Variants in CHRM3 observed in about 807,000 individuals in gnomAD.
CHRM3 encodes cholinergic receptor muscarinic 3, also known as muscarinic acetylcholine receptor M3.
Under a neutral mutation model 41.8 loss-of-function variants are expected in CHRM3, and 11 were observed. That is an observed-to-expected ratio of 0.26 (90% CI 0.17 to 0.44). The LOEUF is 0.44. Ranked by LOEUF, CHRM3 falls within the 20% of genes least tolerant of loss-of-function variation. The pLI, the probability that CHRM3 is intolerant of heterozygous loss-of-function variation, is 1.00. For missense variants in CHRM3, 571 were observed against 745.4 expected, an observed-to-expected ratio of 0.77 and a Z score of 2.72; for synonymous variants, 297 against 301.4, an observed-to-expected ratio of 0.99 and a Z score of 0.15.
At chr1:239,713,471 C>T (rs191751807) in intron 5 of CHRM3, among the ~76,000 whole-genome samples, 9 of 152,214 alleles carry the variant, frequency 5.9e-5, no homozygotes, top group African/African-American at 1.9e-4. Context: ...AAATAATAAA[C>T]AGAACAAGCT....
chr1:239,866,503 C>T (rs967232022), intron 6 of CHRM3, among the ~76,000 whole-genome samples: 4 of 152,074 alleles, frequency 2.6e-5, no homozygotes, highest in Non-Finnish European at 1.5e-5. Context: ...AAAGAACATT[C>T]GGCTCTGTTT....
chr1:239,866,353 T>TC (rs1189098042), intron 6 of CHRM3, among the ~76,000 whole-genome samples: 1 of 146,970 alleles, frequency 6.8e-6, no homozygotes, highest in East Asian at 2.0e-4. Context: ...TGAGCCGAGA[T>TC]CCCCCCACTG....
intron 5 of CHRM3, among the ~76,000 whole-genome samples, chr1:239,794,325 A>G (rs1207931644): frequency 6.6e-6 from 1 of 152,044 alleles, no homozygotes; most frequent in Non-Finnish European, 1.5e-5. Context: ...TCACAAGTTT[A>G]ACAAACACCT....
At chr1:239,894,395 C>T (rs1440416716) in intron 6 of CHRM3, among the ~76,000 whole-genome samples, 3 of 152,154 alleles carry the variant, frequency 2.0e-5, no homozygotes, top group Non-Finnish European at 4.4e-5. Flanking sequence ...GTGCAGGAAG[C>T]AGGAGAGAAG....
chr1:239,907,718 A>G lies in CHRM3; in HGVS notation c.267A>G (p.Val89=). 2 of 1,614,168 alleles carry G rather than the reference A, an allele frequency of 1.2e-6. No individual in the cohort carries two copies. The highest frequency in any genetic ancestry group is 1.7e-6 in the Non-Finnish European group (2 of 1,180,034). ...TGACCATCATCGGCAACATCCTGGT[A>G]ATTGTGTCATTTAAGGTCAACAAGC... The part of the protein sequence containing the change: ...ALVTIIGNIL[V]IVSFKVNKQL... The change falls in exon 7 of 7, where the codon GTA becomes GTG. Residue 89 remains valine (V), a synonymous_variant. Transcript: ENST00000676153. The surrounding 1 kb of genome is among the most constrained non-coding windows in gnomAD (Gnocchi z 5.4).
At chr1:239,619,470 G>A (rs6429145) in intron 3 of CHRM3, among the ~76,000 whole-genome samples, 113,150 of 152,056 alleles carry the variant, frequency 0.74, 43,302 homozygotes, top group African/African-American at 0.93. Flanking sequence ...ATTTAAGAAT[G>A]TATCTACCTG....
intron 5 of CHRM3, among the ~76,000 whole-genome samples, chr1:239,788,422 T>A (rs1669081845): frequency 1.3e-5 from 2 of 152,180 alleles, no homozygotes; most frequent in South Asian, 4.1e-4. Context: ...CCTTCCAGTG[T>A]CTTCTAAGGC....
intron 5 of CHRM3, among the ~76,000 whole-genome samples, chr1:239,700,731 T>C (rs183457267): frequency 6.6e-6 from 1 of 152,296 alleles, no homozygotes; most frequent in Admixed American, 6.5e-5. Context: ...AAGAAAGATG[T>C]GTGGGACGTT....
rs924034110 is a variant in CHRM3 at position 239,387,273 on chromosome 1, G to T, written c.-521+46G>T. The T allele has an allele frequency of 1.3e-5, 2 of 152,078 alleles. No homozygotes were observed. Among genetic ancestry groups the T allele is most frequent in the African/African-American group, 4.8e-5 (2 of 41,510 alleles). 9.4% of individuals were successfully genotyped at this position (152,078 alleles called of 1,614,324 possible). On this transcript the variant is annotated intron_variant, in intron 1 of 6. Transcript: ENST00000676153. This position sits in a 1 kb window ranked among gnomAD's most constrained non-coding sequence, Gnocchi z 5.1. The stretch of plus-strand genomic sequence containing the variant: ...CCAGGCGCTGGGCAGAGCGGGTGGC[G>T]GTAGCGGCTGACCTGGTTTCTTGCC...
intron 5 of CHRM3, among the ~76,000 whole-genome samples, chr1:239,771,049 C>T (rs963330149): frequency 5.3e-5 from 8 of 151,352 alleles, no homozygotes; most frequent in Non-Finnish European, 1.0e-4. Context: ...GATCATCCTA[C>T]TGCACTCCAG....
intron 5 of CHRM3, among the ~76,000 whole-genome samples, chr1:239,807,829 CACACACACACACACACAT>C (rs1273061142): frequency 4.5e-4 from 68 of 151,546 alleles, no homozygotes; most frequent in African/African-American, 1.5e-3. Context: ...CACACACACA[CACACACACACACACACAT>C]ACACACACAC....
At chr1:239,685,821 C>CAAAA (rs1397133198) in intron 5 of CHRM3, among the ~76,000 whole-genome samples, 1 of 151,956 alleles carries the variant, frequency 6.6e-6, no homozygotes, top group Non-Finnish European at 1.5e-5. Context: ...GACTCCATCT[C>CAAAA]AAAACAAACA....
In CHRM3 at chr1:239,779,492, G is replaced by A. The variant is rs1377160188; in HGVS notation, c.-146-47760G>A. 4.6e-5 allele frequency among the ~76,000 whole-genome samples: 7 copies of A among 152,206 alleles called. No homozygotes were observed. In the South Asian group the frequency reaches 1.2e-3, roughly 27 times the overall value. On this transcript the variant is annotated intron_variant, in intron 5 of 6. Transcript: ENST00000676153. ...CTCATGCCTTTAATCCCAACACTTC[G>A]GGAGGCCGAGGCAGGTGGATCACTT...
At position 239,587,071 on chromosome 1, in the gene CHRM3, C is replaced by T. The variant is rs190029898; in HGVS notation, c.-313+41322C>T. Among the ~76,000 whole-genome samples the T allele has an allele frequency of 4.4e-3, 676 of 152,296 alleles. 6 individuals carry two copies. Among genetic ancestry groups the T allele is most frequent in the African/African-American group, 0.016 (648 of 41,566 alleles). The stretch of plus-strand genomic sequence containing the variant: ...TGGAGCCATGTCCTCTTCCCTGAGC[C>T]GGGAAAGAGTTGACTTCAGCGCTAC... On this transcript the variant is annotated intron_variant, in intron 3 of 6. Coordinates refer to ENST00000676153, the MANE Select transcript of CHRM3 (RefSeq NM_001375978.1).
At chr1:239,681,119 T>C (rs1267894194) in intron 5 of CHRM3, among the ~76,000 whole-genome samples, 1 of 152,158 alleles carries the variant, frequency 6.6e-6, no homozygotes, top group African/African-American at 2.4e-5. Flanking sequence ...CCAGTCTCCA[T>C]GATTCCATTA....
intron 4 of CHRM3, among the ~76,000 whole-genome samples, chr1:239,658,184 C>G (rs1422730697): frequency 6.6e-6 from 1 of 152,154 alleles, no homozygotes; most frequent in Non-Finnish European, 1.5e-5. Context: ...CTGATTGACT[C>G]TTTGGGCTTC....
At chr1:239,791,332 T>C (rs764182945) in intron 5 of CHRM3, among the ~76,000 whole-genome samples, 2 of 152,184 alleles carry the variant, frequency 1.3e-5, no homozygotes, top group Non-Finnish European at 2.9e-5. Flanking sequence ...CTCGAACTCC[T>C]GGCTTCAAGC....
At chr1:239,892,563 A>T (rs1460797123) in intron 6 of CHRM3, among the ~76,000 whole-genome samples, 1 of 152,184 alleles carries the variant, frequency 6.6e-6, no homozygotes, top group Non-Finnish European at 1.5e-5. Context: ...ATGATGTGGG[A>T]CAGATGGTTG....
At chr1:239,544,297 C>A (rs926444812) in intron 2 of CHRM3, among the ~76,000 whole-genome samples, 1 of 152,126 alleles carries the variant, frequency 6.6e-6, no homozygotes, top group Non-Finnish European at 1.5e-5. Flanking sequence ...CATCCTTCCC[C>A]CTGTGATCTA....
Sources: gnomAD v4.1 joint callset for allele counts (sites outside exome capture counted in the v4.1 genomes callset) on GRCh38, gnomAD v4.1.1 for gene constraint, Gnocchi (gnomAD v3.1) non-coding constraint, MANE v1.5 for transcripts, NCBI Gene and HGNC (gene_info 2026-07-23, HGNC 2026-07-21) for gene names.